The following PANX1 variants were observed in gnomAD, a reference collection of about 807,000 sequenced individuals.
PANX1 encodes pannexin 1, also known as pannexin-1.
In PANX1, 30 loss-of-function variants were observed where a neutral mutation model predicts 38.7. The observed-to-expected ratio is 0.78, with a 90% CI of 0.58 to 1.05. The LOEUF (loss-of-function observed/expected upper bound fraction) is 1.05. PANX1 is among the 50% of genes least tolerant of loss of function. PANX1 has a pLI of 0.00. For missense variants in PANX1, 551 were observed against 517.2 expected (o/e 1.07, Z -0.63); for synonymous variants, 230 against 212.2 (o/e 1.08, Z -0.73).
rs12281509 is a variant in PANX1 at position 94,180,266 on chromosome 11, T to G, written c.1201+9T>G. 53 of 1,590,672 alleles carry G rather than the reference T, an allele frequency of 3.3e-5. No homozygotes were observed. The African/African-American group carries it at 6.5e-4, about 19-fold the overall frequency. On this transcript the variant is annotated intron_variant, in intron 4 of 4. Transcript: ENST00000227638. ...GACGGCAGAGCTCCAAGGTAGGGTT[T>G]GCTTTTGGCAGAGGCTACGGGAGTC...
At chr11:94,153,737 C>A in intron 2 of PANX1, 107 bp downstream of exon 2, 2 of 1,026,534 alleles carry the variant, frequency 1.9e-6, no homozygotes, top group Non-Finnish European at 1.4e-6. Flanking sequence ...CCAACCAGTG[C>A]TGTATCTCAG....
At chr11:94,176,210 T>G (rs1402299104) in intron 2 of PANX1, among the ~76,000 whole-genome samples, 1 of 151,678 alleles carries the variant, frequency 6.6e-6, no homozygotes, top group African/African-American at 2.4e-5. Context: ...AGATCCTAAT[T>G]TAAGTATGAA....
intron 3 of PANX1, 65 bp downstream of exon 3, chr11:94,178,657 C>T: frequency 8.0e-7 from 1 of 1,254,068 alleles, no homozygotes; most frequent in Non-Finnish European, 1.2e-6. Flanking sequence ...CTTCTACTGC[C>T]AGTCTGGGCC....
chr11:94,167,521 A>G (rs1244003257), intron 2 of PANX1, among the ~76,000 whole-genome samples: 1 of 152,220 alleles, frequency 6.6e-6, no homozygotes, highest in Non-Finnish European at 1.5e-5. Context: ...GGAAATAACT[A>G]GATGTACAAG....
intron 2 of PANX1, among the ~76,000 whole-genome samples, chr11:94,160,690 C>G (rs529691298): frequency 2.0e-4 from 30 of 152,160 alleles, no homozygotes; most frequent in African/African-American, 6.8e-4. Context: ...ATTTGCCAGT[C>G]TGTGTCTTTT....
At chr11:94,149,534 G>A (rs754313305) in intron 1 of PANX1, among the ~76,000 whole-genome samples, 33 of 152,266 alleles carry the variant, frequency 2.2e-4, no homozygotes, top group Non-Finnish European at 4.0e-4. Flanking sequence ...TATTATATTT[G>A]GCCAGACGTA....
chr11:94,136,746 C>T (rs1015887844), intron 1 of PANX1, among the ~76,000 whole-genome samples: 13 of 151,778 alleles, frequency 8.6e-5, no homozygotes, highest in South Asian at 2.1e-4. Context: ...CCAGCCTGGG[C>T]GACAGAGCGA....
chr11:94,166,809 A>G (rs1485527191), intron 2 of PANX1, among the ~76,000 whole-genome samples: 1 of 152,084 alleles, frequency 6.6e-6, no homozygotes, highest in Non-Finnish European at 1.5e-5. Flanking sequence ...ATCTCTCCCC[A>G]AGCTGCACTG....
rs1035438065 is a variant in PANX1 at position 94,181,890 on chromosome 11, C to T, written c.*1021C>T. 2.6e-5 allele frequency: 4 copies of T among 152,064 alleles called. No individual in the cohort carries two copies. The highest frequency in any genetic ancestry group is 7.2e-5 in the African/African-American group (3 of 41,486). The allele number at this position is 152,064 out of a possible 1,614,324, so 9.4% of individuals were successfully genotyped here. A position where few individuals can be genotyped will look rare whatever the true frequency, so the allele number is the denominator to read the frequency against. On this transcript the variant is annotated 3_prime_UTR_variant, in exon 5 of 5. Transcript: ENST00000227638. ...AATTCATTATCGTTTATTCAGTGTCCGAATTGAGGCCATTTGGGAAGAAAA... is the reference window on the plus strand; with the variant it reads ...AATTCATTATCGTTTATTCAGTGTCTGAATTGAGGCCATTTGGGAAGAAAA...
At chr11:94,179,556 G>A (rs1476812437) in intron 3 of PANX1, 46 bp from the exon 4 acceptor site, 1 of 1,386,784 alleles carries the variant, frequency 7.2e-7, no homozygotes, top group Non-Finnish European at 1.0e-6. Context: ...AATATTTGAT[G>A]GTCTTGATGA....
At chr11:94,164,124 T>A (rs1216013367) in intron 2 of PANX1, among the ~76,000 whole-genome samples, 1 of 152,074 alleles carries the variant, frequency 6.6e-6, no homozygotes, top group East Asian at 1.9e-4. Context: ...TCTTTTTTTT[T>A]TAGTCTGGCT....
At chr11:94,143,148 ACACAAAAGG>A (rs1565374109) in intron 1 of PANX1, among the ~76,000 whole-genome samples, 2 of 152,248 alleles carry the variant, frequency 1.3e-5, no homozygotes, top group African/African-American at 4.8e-5. Context: ...GCCTTGTCCT[ACACAAAAGG>A]GTTTCTTTGT....
At chr11:94,134,748 G>A (rs1946668895) in intron 1 of PANX1, among the ~76,000 whole-genome samples, 1 of 150,254 alleles carries the variant, frequency 6.7e-6, no homozygotes, top group South Asian at 2.1e-4. Flanking sequence ...CCACAAGTGC[G>A]GCCACAAGGA....
chr11:94,132,785 G>A (rs954882884), intron 1 of PANX1, among the ~76,000 whole-genome samples: 23 of 152,072 alleles, frequency 1.5e-4, no homozygotes, highest in African/African-American at 4.8e-4. Flanking sequence ...TCTGTCAACT[G>A]TTGTTTGATA....
At chr11:94,175,730 A>G in intron 2 of PANX1, 1 of 984,450 alleles carries the variant, frequency 1.0e-6, no homozygotes, top group Non-Finnish European at 1.2e-6. Context: ...TTAAATGAAC[A>G]TTCCTTCTCC....
chr11:94,160,664 C>G (rs1196757787), intron 2 of PANX1, among the ~76,000 whole-genome samples: 1 of 152,070 alleles, frequency 6.6e-6, no homozygotes, highest in African/African-American at 2.4e-5. Context: ...ACTGATGGGT[C>G]TTGAGTCTTT....
chr11:94,154,512 T>C (rs1056005691), intron 2 of PANX1, among the ~76,000 whole-genome samples: 7 of 152,228 alleles, frequency 4.6e-5, no homozygotes, highest in Non-Finnish European at 1.0e-4. Flanking sequence ...TCTTTTCTGC[T>C]GAAGAAAATA....
intron 2 of PANX1, among the ~76,000 whole-genome samples, chr11:94,153,925 C>T (rs1259971220): frequency 6.6e-6 from 1 of 152,260 alleles, no homozygotes; most frequent in East Asian, 1.9e-4. Flanking sequence ...ATGTCTGGCC[C>T]GTAGTAGGTT....
intron 2 of PANX1, among the ~76,000 whole-genome samples, chr11:94,156,789 A>G (rs950894973): frequency 6.6e-6 from 1 of 150,558 alleles, no homozygotes; most frequent in Non-Finnish European, 1.5e-5. Flanking sequence ...GGTTTGTTAC[A>G]TATGTATACT....
Sources: gnomAD v4.1 joint callset for allele counts (sites outside exome capture counted in the v4.1 genomes callset) on GRCh38, gnomAD v4.1.1 for gene constraint, MANE v1.5 for transcripts, NCBI Gene and HGNC (gene_info 2026-07-23, HGNC 2026-07-21) for gene names.